CTNNB1: variants seen among roughly 807,000 people sequenced by gnomAD.
CTNNB1 encodes the protein catenin beta-1.
In CTNNB1, 6 loss-of-function variants were observed where a neutral mutation model predicts 82.5. That is an observed-to-expected ratio of 0.07 (90% CI 0.04 to 0.14). CTNNB1 has a LOEUF of 0.14. Among genes scored for constraint, CTNNB1 ranks in the 10% least tolerant of loss-of-function variants. The probability of loss-of-function intolerance (pLI) is 1.00; values close to 1 mark genes in which losing one functional copy is unlikely to be tolerated. For missense variants in CTNNB1, 529 were observed against 980.4 expected, an observed-to-expected ratio of 0.54 and a Z score of 6.15; for synonymous variants, 312 against 329.7, an observed-to-expected ratio of 0.95 and a Z score of 0.58.
Position 41,240,148 on chromosome 3 carries a change from AGT to A in CTNNB1, c.*809_*810del, listed in dbSNP as rs1227228273. ...CTCTAATTAATTGTAATCTGAATAA[AGT>A]GTAACAATTGTGTAGCCTTTTTGTA... On this transcript the variant is annotated 3_prime_UTR_variant, in exon 15 of 15. Coordinates refer to ENST00000349496, the MANE Select transcript of CTNNB1 (RefSeq NM_001904.4). 7 of 208,252 alleles carry A rather than the reference AGT, an allele frequency of 3.4e-5. No homozygotes were observed. The highest frequency in any genetic ancestry group is 9.1e-5 in the African/African-American group (4 of 44,140). The allele number at this position is 208,252 out of a possible 1,614,324, so 12.9% of individuals were successfully genotyped here.
At chr3:41,234,526 C>G (rs990354324) in intron 10 of CTNNB1, 2 of 561,480 alleles carry the variant, frequency 3.6e-6, no homozygotes, top group Non-Finnish European at 6.3e-6. Flanking sequence ...GTCAGTCTTA[C>G]AAAGGTTGGG....
chr3:41,202,237 G>T (rs1359162163), intron 1 of CTNNB1, among the ~76,000 whole-genome samples: 1 of 152,154 alleles, frequency 6.6e-6, no homozygotes, highest in Non-Finnish European at 1.5e-5. Flanking sequence ...TATTTCTCTT[G>T]TGGTTTCCTA....
chr3:41,208,381 T>A (rs1041514438), intron 1 of CTNNB1, among the ~76,000 whole-genome samples: 2 of 152,244 alleles, frequency 1.3e-5, no homozygotes, highest in African/African-American at 4.8e-5. Context: ...GATCTTATTT[T>A]CTACCCTAAC....
chr3:41,208,384 A>G lies in CTNNB1; in HGVS notation c.-49+8714A>G, dbSNP rs527625574. 1.7e-4 allele frequency among the ~76,000 whole-genome samples: 26 copies of G among 152,246 alleles called. No homozygotes were observed. In the South Asian group the frequency reaches 2.3e-3, roughly 13 times the overall value. The stretch of plus-strand genomic sequence containing the variant: ...TTCTTCTCCAGTGATCTTATTTTCT[A>G]CCCTAACTCAACTACATATTCCCAT... On this transcript the variant is annotated intron_variant, in intron 1 of 14. Coordinates refer to ENST00000349496, the MANE Select transcript of CTNNB1 (RefSeq NM_001904.4).
intron 1 of CTNNB1, among the ~76,000 whole-genome samples, chr3:41,220,209 A>G (rs555252172): frequency 6.7e-6 from 1 of 150,112 alleles, no homozygotes; most frequent in African/African-American, 2.5e-5. Context: ...TTTTTTTTCC[A>G]TTTACCTTCT....
intron 14 of CTNNB1, chr3:41,238,325 G>A: frequency 2.0e-6 from 1 of 498,896 alleles, no homozygotes; most frequent in Non-Finnish European, 3.6e-6. Context: ...CCTCTGCAGT[G>A]CAGGATGTTA....
intron 13 of CTNNB1, 112 bp from the exon 14 acceptor site, chr3:41,237,904 G>C: frequency 1.2e-6 from 1 of 848,246 alleles, no homozygotes. Flanking sequence ...TGTAATGTTG[G>C]AGTTACTTGT....
intron 1 of CTNNB1, among the ~76,000 whole-genome samples, chr3:41,206,376 C>G (rs1270799898): frequency 6.6e-6 from 1 of 152,140 alleles, no homozygotes; most frequent in Non-Finnish European, 1.5e-5. Flanking sequence ...GCTTCTCTTA[C>G]TAACAGGGTT....
intron 1 of CTNNB1, chr3:41,210,973 T>G (rs1260720309): frequency 1.3e-5 from 6 of 451,786 alleles, no homozygotes; most frequent in African/African-American, 1.0e-4. Flanking sequence ...AAAAATTTTT[T>G]GTAGAGACAG....
At chr3:41,232,661 T>G (rs1304007247) in intron 7 of CTNNB1, among the ~76,000 whole-genome samples, 1 of 152,080 alleles carries the variant, frequency 6.6e-6, no homozygotes, top group African/African-American at 2.4e-5. Flanking sequence ...GGATGGAAGA[T>G]TGTAAACCTT....
Position 41,234,253 on chromosome 3 carries a change from A to T in CTNNB1, c.1639A>T (p.Thr547Ser), listed in dbSNP as rs758002835. ...VQLLVRAHQD[T>S]QRRTSMGGTQ... ...GTTGCTTGTTCGTGCACATCAGGAT[A>T]CCCAGCGCCGTACGTCCATGGGTGG... The change falls in exon 10 of 15, where the codon ACC becomes TCC. Residue 547 changes from threonine (T) to serine (S), a missense_variant. By Grantham distance (58) the Thr-to-Ser change is moderately conservative. Coordinates refer to ENST00000349496, the MANE Select transcript of CTNNB1 (RefSeq NM_001904.4). The T allele has an allele frequency of 2.5e-6, 4 of 1,614,074 alleles. No individual in the cohort carries two copies. Among genetic ancestry groups the T allele is most frequent in the Non-Finnish European group, 2.5e-6 (3 of 1,180,046 alleles).
At chr3:41,210,797 T>A (rs1029214399) in intron 1 of CTNNB1, among the ~76,000 whole-genome samples, 1 of 147,718 alleles carries the variant, frequency 6.8e-6, no homozygotes, top group African/African-American at 2.5e-5. Context: ...TATGCTATAC[T>A]TTTTTTTTTT....
In CTNNB1 at chr3:41,216,313, AATT is replaced by A. The variant is rs1003261528; in HGVS notation, c.-48-7705_-48-7703del. 1.7e-3 allele frequency among the ~76,000 whole-genome samples: 261 copies of A among 152,216 alleles called. 3 individuals are homozygous for A. The highest frequency in any genetic ancestry group is 2.9e-4 in the Non-Finnish European group (20 of 68,022). On this transcript the variant is annotated intron_variant, in intron 1 of 14. Coordinates refer to ENST00000349496, the MANE Select transcript of CTNNB1 (RefSeq NM_001904.4). The stretch of plus-strand genomic sequence containing the variant: ...CTGATACCACAAGGCAGTATCCTAA[AATT>A]ATGCTGTAAAAGATATAAAGATGCT...
At chr3:41,238,124 T>C (rs1375046309) in intron 14 of CTNNB1, 48 bp downstream of exon 14, 1 of 1,546,388 alleles carries the variant, frequency 6.5e-7, no homozygotes, top group South Asian at 1.1e-5. Context: ...GCTAAAGTTC[T>C]AAAACTTTTA....
intron 1 of CTNNB1, among the ~76,000 whole-genome samples, chr3:41,215,684 A>C (rs976223844): frequency 6.6e-6 from 1 of 152,114 alleles, no homozygotes. Context: ...CTCTTACAAC[A>C]CGTCGAGTAG....
intron 1 of CTNNB1, chr3:41,210,928 T>A (rs946675703): frequency 9.4e-6 from 4 of 426,244 alleles, no homozygotes; most frequent in African/African-American, 8.1e-5. Context: ...TAGCTGGGAC[T>A]ACACCAGGCA....
At chr3:41,205,248 C>T (rs1397416389) in intron 1 of CTNNB1, among the ~76,000 whole-genome samples, 3 of 152,106 alleles carry the variant, frequency 2.0e-5, no homozygotes, top group Non-Finnish European at 2.9e-5. Flanking sequence ...TACTGTTAGA[C>T]TAGATCCAAA....
At chr3:41,224,234 G>T in intron 2 of CTNNB1, 153 bp downstream of exon 2, 1 of 960,598 alleles carries the variant, frequency 1.0e-6, no homozygotes. Flanking sequence ...TAATGGCTTG[G>T]TGAAATAGCA....
intron 10 of CTNNB1, chr3:41,235,518 G>GTGTATGTTGCACT: frequency 1.6e-6 from 1 of 641,314 alleles, no homozygotes; most frequent in Admixed American, 2.3e-5. Flanking sequence ...CACTGTGTAT[G>GTGTATGTTGCACT]GGGGAGGGGT....
Sources: allele counts gnomAD v4.1 joint callset (sites outside exome capture counted in the v4.1 genomes callset), GRCh38; gene constraint gnomAD v4.1.1; transcripts MANE v1.5; gene names NCBI Gene and HGNC (gene_info 2026-07-23, HGNC 2026-07-21).